The following ABCC12 variants were observed in gnomAD, a reference collection of about 807,000 sequenced individuals.
The protein encoded by ABCC12 is ATP binding cassette subfamily C member 12.
ABCC12 carries 142 observed loss-of-function variants against 151.1 expected under a neutral mutation model. The ratio of observed to expected loss-of-function variants is 0.94; its 90% CI spans 0.82 to 1.08. The LOEUF (loss-of-function observed/expected upper bound fraction) is 1.08. ABCC12 is among the 50% of genes least tolerant of loss of function. The pLI, the probability that ABCC12 is intolerant of heterozygous loss-of-function variation, is 0.00. For synonymous variants in ABCC12, 645 were observed against 646.4 expected, an observed-to-expected ratio of 1.00 and a Z score of 0.03; for missense variants, 1,638 against 1,691.1, an observed-to-expected ratio of 0.97 and a Z score of 0.55.
chr16:48,132,354 AG>A (rs1964456643), intron 9 of ABCC12, among the ~76,000 whole-genome samples: 1 of 152,202 alleles, frequency 6.6e-6, no homozygotes, highest in Admixed American at 6.5e-5. Context: ...CAACTCACCA[AG>A]AAACACAGGG....
intron 1 of ABCC12, among the ~76,000 whole-genome samples, chr16:48,154,743 T>G (rs538128360): frequency 6.6e-6 from 1 of 152,364 alleles, no homozygotes; most frequent in South Asian, 2.1e-4. Context: ...CCCAGAAAAT[T>G]AACAACTTTA....
chr16:48,150,182 T>C (rs1277193819), intron 2 of ABCC12, among the ~76,000 whole-genome samples: 1 of 152,202 alleles, frequency 6.6e-6, no homozygotes, highest in Non-Finnish European at 1.5e-5. Context: ...ATTTCCTCCC[T>C]GCCCCTGCTA....
chr16:48,124,356 C>T (rs1054599849), intron 11 of ABCC12, 72 bp from the exon 12 acceptor site: 1 of 1,476,502 alleles, frequency 6.8e-7, no homozygotes, highest in East Asian at 2.3e-5. Context: ...AAAGGTGCCA[C>T]TCCCAAACTA....
At chr16:48,104,488 T>C in intron 21 of ABCC12, 120 bp from the exon 22 acceptor site, 1 of 821,676 alleles carries the variant, frequency 1.2e-6, no homozygotes. Flanking sequence ...CACAACACAG[T>C]GTGTCAGGTG....
chr16:48,106,540 G>A (rs1176625342), intron 20 of ABCC12, among the ~76,000 whole-genome samples: 2 of 152,234 alleles, frequency 1.3e-5, no homozygotes, highest in African/African-American at 4.8e-5. Flanking sequence ...AGTGAGGGGG[G>A]ATCTGGGAGA....
intron 8 of ABCC12, among the ~76,000 whole-genome samples, chr16:48,135,016 C>T (rs1964558722): frequency 1.3e-5 from 2 of 150,140 alleles, no homozygotes; most frequent in South Asian, 4.2e-4. Flanking sequence ...TGCACCACTG[C>T]ACTCCAGCCT....
chr16:48,138,950 CA>C (rs1964704246), intron 7 of ABCC12, among the ~76,000 whole-genome samples: 1 of 152,082 alleles, frequency 6.6e-6, no homozygotes, highest in African/African-American at 2.4e-5. Context: ...GCCTGGGTGA[CA>C]GAGCGAGACC....
chr16:48,087,862 AGTTCTTGG>A, intron 27 of ABCC12, 56 bp downstream of exon 27: 1 of 1,550,154 alleles, frequency 6.5e-7, no homozygotes, highest in East Asian at 2.3e-5. Context: ...GACATCACAA[AGTTCTTGG>A]TCAGTCTGAT....
intron 8 of ABCC12, among the ~76,000 whole-genome samples, chr16:48,135,055 A>G (rs1459380421): frequency 6.6e-5 from 10 of 151,982 alleles, no homozygotes; most frequent in Admixed American, 6.6e-4. Context: ...GTCTCAAAAA[A>G]AAAAAAAAAA....
At chr16:48,133,601 T>C (rs1297160804) in intron 9 of ABCC12, 86 bp downstream of exon 9, 3 of 1,495,842 alleles carry the variant, frequency 2.0e-6, no homozygotes, top group African/African-American at 1.4e-5. Flanking sequence ...CTAATGCCAG[T>C]ATTGAGCGAC....
chr16:48,122,881 C>G (rs924132399), intron 12 of ABCC12, among the ~76,000 whole-genome samples: 3 of 152,242 alleles, frequency 2.0e-5, no homozygotes, highest in African/African-American at 7.2e-5. Context: ...AACCTCACCA[C>G]AACTCTCCTT....
At chr16:48,108,377 C>G (rs944128103) in intron 19 of ABCC12, 63 bp downstream of exon 19, 4 of 1,419,686 alleles carry the variant, frequency 2.8e-6, no homozygotes, top group Admixed American at 1.8e-5. Context: ...GTGAACCCAA[C>G]AGTTTAAGAC....
intron 11 of ABCC12, among the ~76,000 whole-genome samples, chr16:48,127,551 C>G (rs1964280859): frequency 6.6e-6 from 1 of 152,176 alleles, no homozygotes; most frequent in Non-Finnish European, 1.5e-5. Flanking sequence ...GCCAGGTGCC[C>G]TGGGTATGAA....
intron 11 of ABCC12, among the ~76,000 whole-genome samples, chr16:48,124,593 C>T (rs1199579131): frequency 6.6e-6 from 1 of 152,224 alleles, no homozygotes; most frequent in African/African-American, 2.4e-5. Context: ...AGACACAGGC[C>T]TTGAACAGGA....
rs2019240 is a variant in ABCC12, at chr16:48,096,923, C to T, written c.3039-21G>A. 3,286 of 1,613,930 alleles carry T rather than the reference C, an allele frequency of 2.0e-3. 47 individuals are homozygous for T. In the African/African-American group the frequency reaches 0.036, roughly 18 times the overall value. On this transcript the variant is annotated intron_variant, in intron 23 of 30. Coordinates refer to ENST00000311303, the MANE Select transcript of ABCC12 (RefSeq NM_001393797.1). Reference sequence around the variant, plus strand: ...GGTGACTGGAGTTTTCGTCGTTTAGCGTCTTAAACCTACAGTCAAGAAAAT... The same window carrying T: ...GGTGACTGGAGTTTTCGTCGTTTAGTGTCTTAAACCTACAGTCAAGAAAAT...
chr16:48,084,257 C>T (rs2050511735), intron 29 of ABCC12, among the ~76,000 whole-genome samples, 184 bp from the exon 30 acceptor site: 1 of 152,308 alleles, frequency 6.6e-6, no homozygotes, highest in Non-Finnish European at 1.5e-5. Flanking sequence ...AGTCACATCA[C>T]ATCACCTCCA....
At chr16:48,084,192 A>G (rs572523044) in intron 29 of ABCC12, 119 bp from the exon 30 acceptor site, 8 of 1,059,728 alleles carry the variant, frequency 7.5e-6, no homozygotes, top group Non-Finnish European at 1.1e-5. Flanking sequence ...ATGAAAAGTA[A>G]TTAGCTAAAC....
At chr16:48,119,102 A>G (rs1014677836) in intron 13 of ABCC12, among the ~76,000 whole-genome samples, 2 of 152,166 alleles carry the variant, frequency 1.3e-5, no homozygotes, top group African/African-American at 4.8e-5. Flanking sequence ...TGGCCCTGAG[A>G]GCCACAGTTT....
chr16:48,125,362 G>C (rs1200096969), intron 11 of ABCC12, among the ~76,000 whole-genome samples: 1 of 152,156 alleles, frequency 6.6e-6, no homozygotes, highest in East Asian at 1.9e-4. Flanking sequence ...CATTGTTTGA[G>C]GGCTGCTCTC....
Sources: allele counts gnomAD v4.1 joint callset (sites outside exome capture counted in the v4.1 genomes callset), GRCh38; gene constraint gnomAD v4.1.1; transcripts MANE v1.5; gene names NCBI Gene and HGNC (gene_info 2026-07-23, HGNC 2026-07-21).